The following COG5 variants were observed in gnomAD, a reference collection of about 807,000 sequenced individuals.
COG5 encodes the protein component of oligomeric golgi complex 5.
In COG5, 86 loss-of-function variants were observed where a neutral mutation model predicts 110.4. That is an observed-to-expected ratio of 0.78 (90% CI 0.65 to 0.93). COG5 has a LOEUF of 0.93. Ranked by LOEUF, COG5 falls within the 40% of genes least tolerant of loss-of-function variation. COG5 has a pLI of 0.00. For synonymous variants in COG5, 360 were observed against 334.6 expected, an observed-to-expected ratio of 1.08 and a Z score of -0.83; for missense variants, 1,077 against 987.0, an observed-to-expected ratio of 1.09 and a Z score of -1.22.
chr7:107,275,348 G>A (rs977385809), intron 14 of COG5, among the ~76,000 whole-genome samples: 1 of 150,654 alleles, frequency 6.6e-6, no homozygotes, highest in Non-Finnish European at 1.5e-5. Flanking sequence ...TGGTGTGTTT[G>A]TATCACAGAG....
At chr7:107,379,419 CA>C (rs1814912151) in intron 7 of COG5, among the ~76,000 whole-genome samples, 1 of 151,938 alleles carries the variant, frequency 6.6e-6, no homozygotes, top group Non-Finnish European at 1.5e-5. Flanking sequence ...TCACACAAAA[CA>C]ATATTAACTT....
chr7:107,318,026 CTT>C (rs1808911747), intron 11 of COG5, among the ~76,000 whole-genome samples: 3 of 151,778 alleles, frequency 2.0e-5, no homozygotes, highest in Non-Finnish European at 2.9e-5. Context: ...TTTTTTCTTT[CTT>C]TCTTTCTTTC....
rs1313274179 is a variant in COG5, at chr7:107,324,763, G to A, written c.1027-242C>T. 2.0e-5 allele frequency among the ~76,000 whole-genome samples: 3 copies of A among 152,194 alleles called. No homozygotes were observed. The East Asian group carries it at 5.8e-4, about 29-fold the overall frequency. On this transcript the variant is annotated intron_variant, in intron 10 of 21. Coordinates refer to ENST00000297135, the MANE Select transcript of COG5 (RefSeq NM_006348.5). ...CACATAATAGCTGGTGTAACCTTGG[G>A]CATGTTGCTTAGCCATTCAGGGCCT...
At chr7:107,526,900 C>T (rs968575710) in intron 6 of COG5, among the ~76,000 whole-genome samples, 2 of 152,004 alleles carry the variant, frequency 1.3e-5, no homozygotes, top group African/African-American at 2.4e-5. Flanking sequence ...TAGGCATCAC[C>T]GTGAAGGGAT....
rs570377596 is a variant in COG5 at position 107,398,985 on chromosome 7, T to C, written c.669+13517A>G. On this transcript the variant is annotated intron_variant, in intron 7 of 21. Coordinates refer to ENST00000297135, the MANE Select transcript of COG5 (RefSeq NM_006348.5). ...GGGAGGCCGAAGCAGGGAGATCACC[T>C]GAGGTCAGGAGTTCAAGACCAACCC... Among the ~76,000 whole-genome samples the C allele has an allele frequency of 6.6e-5, 10 of 152,238 alleles. No individual in the cohort carries two copies. In the East Asian group the frequency reaches 1.7e-3, roughly 27 times the overall value.
chr7:107,517,909 G>A (rs1216024184), intron 6 of COG5, among the ~76,000 whole-genome samples: 1 of 151,978 alleles, frequency 6.6e-6, no homozygotes, highest in Non-Finnish European at 1.5e-5. Flanking sequence ...TGTTGGTCAG[G>A]CTGGTCTCGA....
chr7:107,281,643 G>A (rs1016905456), intron 13 of COG5, among the ~76,000 whole-genome samples: 1 of 152,118 alleles, frequency 6.6e-6, no homozygotes, highest in Non-Finnish European at 1.5e-5. Context: ...TGTGGGTTCA[G>A]TCTGTGATTA....
rs564717124 is a variant in COG5 at position 107,358,253 on chromosome 7, A to T, written c.1026+3780T>A. ...AAAGTATTTGATAATAAAAGCTCGA[A>T]ATGAGGCCACTGCACATAAAGACTA... On this transcript the variant is annotated intron_variant, in intron 10 of 21. Coordinates refer to ENST00000297135, the MANE Select transcript of COG5 (RefSeq NM_006348.5). Among the ~76,000 whole-genome samples the T allele has an allele frequency of 7.9e-5, 12 of 152,344 alleles. No individual in the cohort carries two copies. The South Asian group carries it at 2.5e-3, about 32-fold the overall frequency.
chr7:107,207,369 C>G (rs571578451), intron 21 of COG5, among the ~76,000 whole-genome samples: 1 of 152,084 alleles, frequency 6.6e-6, no homozygotes, highest in Non-Finnish European at 1.5e-5. Flanking sequence ...GATTGTGGAC[C>G]CTGGACCATG....
rs547707419 is a variant in COG5 at position 107,331,788 on chromosome 7, T to G, written c.1027-7267A>C. On this transcript the variant is annotated intron_variant, in intron 10 of 21. Coordinates refer to ENST00000297135, the MANE Select transcript of COG5 (RefSeq NM_006348.5). The stretch of plus-strand genomic sequence containing the variant: ...CAAAGAAAGATGTGCTCTTTTAAAC[T>G]TATGCTTCTGGAACCTGTGGGGCAT... Among the ~76,000 whole-genome samples, 6 of 151,548 alleles carry G rather than the reference T, an allele frequency of 4.0e-5. No individual in the cohort carries two copies. The East Asian group carries it at 5.8e-4, about 15-fold the overall frequency.
chr7:107,489,545 GA>G lies in COG5; in HGVS notation c.538+37691del, dbSNP rs1797860261. Among the ~76,000 whole-genome samples the G allele has an allele frequency of 2.0e-5, 3 of 151,874 alleles. No individual in the cohort carries two copies. In the South Asian group the frequency reaches 6.2e-4, roughly 31 times the overall value. ...TACCACCTCTACCAGAGTACAAGTTGAAAAAATAAAAGTGAAAGTCCAAGAA... is the reference window on the plus strand; with the variant it reads ...TACCACCTCTACCAGAGTACAAGTTGAAAAATAAAAGTGAAAGTCCAAGAA... On this transcript the variant is annotated intron_variant, in intron 6 of 21. Transcript: ENST00000297135.
intron 8 of COG5, among the ~76,000 whole-genome samples, chr7:107,366,230 T>C (rs934968755): frequency 4.6e-5 from 7 of 151,826 alleles, no homozygotes; most frequent in South Asian, 2.1e-4. Flanking sequence ...ACATGTGAAA[T>C]AGGCAAGAGG....
intron 10 of COG5, 97 bp downstream of exon 10, chr7:107,361,936 T>C (rs1268278542): frequency 2.6e-6 from 2 of 768,322 alleles, no homozygotes; most frequent in Non-Finnish European, 2.3e-6. Context: ...ATCTGATATG[T>C]AGCCACTCTA....
intron 6 of COG5, among the ~76,000 whole-genome samples, chr7:107,427,405 AATT>A (rs1431253972): frequency 2.6e-5 from 4 of 152,288 alleles, no homozygotes; most frequent in African/African-American, 9.6e-5. Flanking sequence ...TGCACACACA[AATT>A]ATTTCACAAC....
chr7:107,300,116 T>C (rs1807138750), intron 11 of COG5, among the ~76,000 whole-genome samples: 1 of 151,810 alleles, frequency 6.6e-6, no homozygotes, highest in South Asian at 2.1e-4. Context: ...AAAAAGCATT[T>C]GAAAAAAATC....
chr7:107,518,379 G>C (rs943707128), intron 6 of COG5, among the ~76,000 whole-genome samples: 20 of 152,080 alleles, frequency 1.3e-4, no homozygotes, highest in South Asian at 2.1e-4. Context: ...TGAATAAAGA[G>C]TCAAGATCAA....
intron 7 of COG5, among the ~76,000 whole-genome samples, chr7:107,408,152 C>T (rs1792000569): frequency 6.6e-6 from 1 of 152,174 alleles, no homozygotes; most frequent in African/African-American, 2.4e-5. Flanking sequence ...TGGTTTATTG[C>T]TTGTTTTTGC....
At chr7:107,289,575 G>GATAT (rs549510428) in intron 12 of COG5, among the ~76,000 whole-genome samples, 2 of 152,176 alleles carry the variant, frequency 1.3e-5, no homozygotes, top group South Asian at 4.1e-4. Flanking sequence ...GTACTGAATC[G>GATAT]ATATATATCA....
intron 5 of COG5, among the ~76,000 whole-genome samples, chr7:107,533,253 C>T (rs952828885): frequency 6.6e-6 from 1 of 151,536 alleles, no homozygotes; most frequent in African/African-American, 2.4e-5. Flanking sequence ...AACCAGAATA[C>T]CTCTTCTCCT....
Sources: allele counts gnomAD v4.1 joint callset (sites outside exome capture counted in the v4.1 genomes callset), GRCh38; gene constraint gnomAD v4.1.1; transcripts MANE v1.5; gene names NCBI Gene and HGNC (gene_info 2026-07-23, HGNC 2026-07-21).